The following ZNF550 variants were observed in gnomAD, a reference collection of about 807,000 sequenced individuals.
ZNF550 encodes zinc finger protein 550.
ZNF550 carries 42 observed loss-of-function variants against 40.2 expected under a neutral mutation model. The observed-to-expected ratio is 1.05, with a 90% confidence interval of 0.82 to 1.35. The LOEUF (loss-of-function observed/expected upper bound fraction) is 1.35, where lower values mean the gene tolerates loss of function less well. Ranked by LOEUF, ZNF550 falls within the 40% of genes most tolerant of loss-of-function variation. The pLI, the probability that ZNF550 is intolerant of heterozygous loss-of-function variation, is 0.00. For missense variants in ZNF550, 549 were observed against 525.2 expected (o/e 1.05, Z -0.44); for synonymous variants, 223 against 198.6 (o/e 1.12, Z -1.03).
upstream of ZNF550, among the ~76,000 whole-genome samples, chr19:57,560,458 A>G (rs1205174018): frequency 6.6e-6 from 1 of 152,220 alleles, no homozygotes; most frequent in African/African-American, 2.4e-5. Flanking sequence ...GAAAGAATGC[A>G]GGGATGAGTC....
At chr19:57,555,955 G>A in intron 2 of ZNF550, 6 of 411,788 alleles carry the variant, frequency 1.5e-5, no homozygotes, top group South Asian at 1.3e-4. Flanking sequence ...TAATAGGGCT[G>A]TGGCCACAGC....
At chr19:57,543,674 G>T (rs1386484915) in intron 4 of ZNF550, 33 of 979,850 alleles carry the variant, frequency 3.4e-5, no homozygotes, top group Non-Finnish European at 3.5e-5. Context: ...GGTGGCTCAC[G>T]CCTGTAATCG....
At chr19:57,560,228 G>C (rs998049559), upstream of ZNF550, among the ~76,000 whole-genome samples, 2 of 152,088 alleles carry the variant, frequency 1.3e-5, no homozygotes, top group Non-Finnish European at 2.9e-5. Context: ...TGGTTACTGC[G>C]TCCTCCTCCA....
chr19:57,550,787 AT>A (rs1160054590), intron 3 of ZNF550, among the ~76,000 whole-genome samples: 1 of 152,120 alleles, frequency 6.6e-6, no homozygotes. Flanking sequence ...TATACATAAG[AT>A]TTTTTTTAGT....
intron 1 of ZNF550, among the ~76,000 whole-genome samples, chr19:57,558,193 G>A (rs1254316418): frequency 6.6e-6 from 1 of 152,220 alleles, no homozygotes; most frequent in Non-Finnish European, 1.5e-5. Flanking sequence ...CTGCCAGGAT[G>A]GGTGTGGAAC....
chr19:57,543,118 C>A (rs1409813962), exon 5 of ZNF550: 2 of 443,398 alleles, frequency 4.5e-6, no homozygotes, highest in Non-Finnish European at 6.0e-6. Context: ...TTTAGGATTT[C>A]TCTTCCAAAT....
exon 4 of ZNF550, chr19:57,547,950 C>T (rs528758005): frequency 1.7e-5 from 28 of 1,613,944 alleles, no homozygotes; most frequent in African/African-American, 1.1e-4. Flanking sequence ...ATAAGACTGG[C>T]GGGTAAGTGG....
At chr19:57,559,776 C>A (rs376554451) in exon 1 of ZNF550, 23 of 1,167,968 alleles carry the variant, frequency 2.0e-5, no homozygotes, top group Admixed American at 1.1e-4. Flanking sequence ...GAGCCCCAGT[C>A]GCCCTACCAT....
chr19:57,543,920 A>G (rs373510197), intron 4 of ZNF550: 1 of 970,196 alleles, frequency 1.0e-6, no homozygotes, highest in African/African-American at 1.8e-5. Flanking sequence ...CCTGGGCAAC[A>G]AGAGTGAAAC....
chr19:57,556,524 T>C, intron 1 of ZNF550, 167 bp from the exon 2 acceptor site: 2 of 760,348 alleles, frequency 2.6e-6, no homozygotes, highest in East Asian at 5.6e-5. Flanking sequence ...GATACTGCCT[T>C]TTGACAATGC....
chr19:57,544,089 T>C, intron 4 of ZNF550: 4 of 985,466 alleles, frequency 4.1e-6, no homozygotes, highest in Non-Finnish European at 3.6e-6. Context: ...TGTTCTCATG[T>C]GTTTTTCCTA....
chr19:57,546,862 C>G, exon 4 of ZNF550: 6 of 1,433,512 alleles, frequency 4.2e-6, no homozygotes, highest in Non-Finnish European at 5.5e-6. Flanking sequence ...TGAAAAGTTT[C>G]CTGACATTCT....
chr19:57,546,204 A>G (rs1432062091), intron 4 of ZNF550, among the ~76,000 whole-genome samples: 2 of 152,166 alleles, frequency 1.3e-5, no homozygotes, highest in African/African-American at 4.8e-5. Flanking sequence ...ATCTCATGAC[A>G]CAAGCCTTCA....
In ZNF550 at chr19:57,547,259, G is replaced by A. The variant is rs370529019; in HGVS notation, c.985C>T (p.His329Tyr). 37 of 1,613,906 alleles carry A rather than the reference G, an allele frequency of 2.3e-5. 1 individual carries two copies. The East Asian group carries it at 2.9e-4, about 13-fold the overall frequency. ...TGGATGATGTAATGTTGAATTAGGT[G>A]GGCTCTATTGCTAAAGGCTTTCTCA... is the stretch of plus-strand genomic sequence containing the variant. The change falls in exon 4 of 5, where the codon CAC becomes TAC. Residue 329 changes from histidine (H) to tyrosine (Y), a missense_variant. Transcript: ENST00000457177.
chr19:57,549,832 A>G (rs1275305732), intron 3 of ZNF550, among the ~76,000 whole-genome samples: 1 of 152,204 alleles, frequency 6.6e-6, no homozygotes, highest in Non-Finnish European at 1.5e-5. Flanking sequence ...CAGGAGGCAC[A>G]ATGCATGGCA....
At chr19:57,547,714 A>G in exon 4 of ZNF550, 1 of 1,614,030 alleles carries the variant, frequency 6.2e-7, no homozygotes, top group Non-Finnish European at 8.5e-7. Flanking sequence ...ATCTGCTGAT[A>G]ACCACTCTTG....
At chr19:57,549,413 C>G (rs749712260) in intron 3 of ZNF550, among the ~76,000 whole-genome samples, 17 of 151,940 alleles carry the variant, frequency 1.1e-4, no homozygotes, top group Non-Finnish European at 2.4e-4. Flanking sequence ...CCATTGCACT[C>G]TAGCCTGGGC....
At chr19:57,544,054 CAAGTTT>C (rs1273564065) in intron 4 of ZNF550, 5 of 985,298 alleles carry the variant, frequency 5.1e-6, no homozygotes, top group Admixed American at 6.1e-5. Flanking sequence ...GGGTGCTAAA[CAAGTTT>C]AAGTCAATAT....
intron 1 of ZNF550, among the ~76,000 whole-genome samples, chr19:57,558,621 CAAGA>C (rs2090142891): frequency 6.6e-6 from 1 of 152,036 alleles, no homozygotes; most frequent in Non-Finnish European, 1.5e-5. Context: ...ATTCAGATGA[CAAGA>C]AAACAGAGCA....
Sources: gnomAD v4.1 joint callset for allele counts (sites outside exome capture counted in the v4.1 genomes callset) on GRCh38, gnomAD v4.1.1 for gene constraint, MANE v1.5 for transcripts, NCBI Gene and HGNC (gene_info 2026-07-23, HGNC 2026-07-21) for gene names.